SMG1: variants seen among roughly 807,000 people sequenced by gnomAD.
SMG1 encodes serine/threonine-protein kinase SMG1.
Under a neutral mutation model 419.9 loss-of-function variants are expected in SMG1, and 22 were observed. That is an observed-to-expected ratio of 0.05 (90% CI 0.04 to 0.07). SMG1 has a LOEUF of 0.07. Among genes scored for constraint, SMG1 ranks in the 10% least tolerant of loss-of-function variants. SMG1 has a pLI of 1.00. For missense variants in SMG1, 3,185 were observed against 4,342.0 expected (o/e 0.73, Z 7.49); for synonymous variants, 1,538 against 1,553.5 (o/e 0.99, Z 0.23).
chr16:18,810,127 CTTAAT>C (rs2031243317), intron 62 of SMG1, among the ~76,000 whole-genome samples: 1 of 152,054 alleles, frequency 6.6e-6, no homozygotes, highest in Admixed American at 6.6e-5. Context: ...TATTCAGTCT[CTTAAT>C]TTTTATCCCA....
chr16:18,814,278 G>A (rs1167119204), intron 60 of SMG1, among the ~76,000 whole-genome samples: 3 of 151,520 alleles, frequency 2.0e-5, no homozygotes, highest in Non-Finnish European at 4.4e-5. Context: ...CCTCTATTTG[G>A]AATGGAACTA....
chr16:18,900,427 G>T (rs1475150353), intron 1 of SMG1, among the ~76,000 whole-genome samples: 1 of 152,030 alleles, frequency 6.6e-6, no homozygotes, highest in Admixed American at 6.6e-5. Flanking sequence ...CCATGTGCTG[G>T]GGATGGTATC....
rs761236785 is a variant in SMG1, at chr16:18,896,831, T to C, written c.218A>G (p.Asp73Gly). The C allele has an allele frequency of 2.5e-6, 4 of 1,609,756 alleles. No individual in the cohort carries two copies. Among genetic ancestry groups the C allele is most frequent in the Non-Finnish European group, 3.4e-6 (4 of 1,178,444 alleles). The change falls in exon 2 of 63, where the codon GAT becomes GGT. Residue 73 changes from aspartate (D) to glycine (G), a missense_variant. Transcript: ENST00000446231. ...SAVVSRQRHD[D>G]TRVHADIQND... ...CTGTATGTCAGCGTGGACTCTGGTA[T>C]CATCGTGCCTTTGCCGAGACACCAC...
intron 4 of SMG1, 78 bp from the exon 5 acceptor site, chr16:18,890,999 C>T (rs2036852540): frequency 1.3e-6 from 1 of 779,606 alleles, no homozygotes; most frequent in Admixed American, 2.0e-5. Flanking sequence ...TTTTACTTGT[C>T]TTCCCCTCCA....
intron 31 of SMG1, 107 bp downstream of exon 31, chr16:18,853,476 A>G: frequency 9.9e-7 from 1 of 1,010,482 alleles, no homozygotes; most frequent in Non-Finnish European, 1.4e-6. Flanking sequence ...ACTTCCACAG[A>G]TATACTTTTT....
At position 18,839,961 on chromosome 16, in the gene SMG1, A is replaced by G. The variant is rs753417019; in HGVS notation, c.6697-15T>C. The G allele has an allele frequency of 6.6e-6, 10 of 1,516,440 alleles. No individual in the cohort carries two copies. In the Admixed American group the frequency reaches 2.3e-4, roughly 34 times the overall value. The allele number at this position is 1,516,440 out of a possible 1,614,324, so 93.9% of individuals were successfully genotyped here. A position where few individuals can be genotyped will look rare whatever the true frequency, so the allele number is the denominator to read the frequency against. ...GAATCTTGGGCCTTAAGAAAAAACA[A>G]TTTTTTTAAAAAAGAAAAGATCAAT... On this transcript the variant is annotated splice_polypyrimidine_tract_variant and intron_variant, in intron 41 of 62. Transcript: ENST00000446231.
At position 18,863,734 on chromosome 16, in the gene SMG1, T is replaced by C. The variant is rs780399409; in HGVS notation, c.3611A>G (p.Gln1204Arg). Residue 1204 changes from glutamine (Q) to arginine (R), a missense_variant, in exon 25 of 63, where the codon CAG (glutamine) becomes CGG (arginine). By Grantham distance (43) the Gln-to-Arg change is conservative. Around this residue, in one of 27 missense-constraint regions of SMG1, gnomAD observed 120 missense variants for 193.3 expected, o/e 0.62. Transcript: ENST00000446231. Reference sequence around the variant, plus strand: ...GTCATGGATAGCGTTCTGCCATTCCTGCACAGCAGCCCAATCGGCAATTGA... The same window carrying C: ...GTCATGGATAGCGTTCTGCCATTCCCGCACAGCAGCCCAATCGGCAATTGA... Reference protein sequence around the residue: ...YISIADWAAVQEWQNAIHDLK... With the variant: ...YISIADWAAVREWQNAIHDLK... 1 of 1,588,270 alleles carries C rather than the reference T, an allele frequency of 6.3e-7. No homozygotes were observed. Among genetic ancestry groups the C allele is most frequent in the Non-Finnish European group, 8.5e-7 (1 of 1,171,730 alleles).
chr16:18,829,799 G>GT lies in SMG1; in HGVS notation c.9134-45dup, dbSNP rs1166344509. On this transcript the variant is annotated intron_variant, in intron 53 of 62. Coordinates refer to ENST00000446231, the MANE Select transcript of SMG1 (RefSeq NM_015092.5). ...TCTTGTATTTCATGAAAAAAATCAG[G>GT]TAATATGCTGCTTATTTATAGTATT... 12 of 1,527,832 alleles carry GT rather than the reference G, an allele frequency of 7.9e-6. No individual in the cohort carries two copies. The South Asian group carries it at 1.4e-4, about 17-fold the overall frequency. 94.6% of individuals were successfully genotyped at this position (1,527,832 alleles called of 1,614,324 possible).
chr16:18,842,746 C>T (rs2033996200), intron 39 of SMG1, among the ~76,000 whole-genome samples: 1 of 152,110 alleles, frequency 6.6e-6, no homozygotes, highest in Non-Finnish European at 1.5e-5. Context: ...AAGAGGATCA[C>T]CTGAGCCCAG....
intron 1 of SMG1, among the ~76,000 whole-genome samples, chr16:18,923,926 A>T (rs2038292085): frequency 6.6e-6 from 1 of 152,116 alleles, no homozygotes; most frequent in Non-Finnish European, 1.5e-5. Context: ...TTATTGACTA[A>T]CAAATCAGCT....
Position 18,808,417 on chromosome 16 carries a change from TA to T in SMG1, c.*1151del, listed in dbSNP as rs1273239841. On this transcript the variant is annotated 3_prime_UTR_variant, in exon 63 of 63. Coordinates refer to ENST00000446231, the MANE Select transcript of SMG1 (RefSeq NM_015092.5). Reference sequence around the variant, plus strand: ...AAAGTATCAAATGAAAAACATGAATTAAAAAAATTTCAGTCTACCTCCACCA... The same window carrying T: ...AAAGTATCAAATGAAAAACATGAATTAAAAAATTTCAGTCTACCTCCACCA... 1 of 152,148 alleles carries T rather than the reference TA, an allele frequency of 6.6e-6. No homozygotes were observed. Among genetic ancestry groups the T allele is most frequent in the African/African-American group, 2.4e-5 (1 of 41,428 alleles). The allele number at this position is 152,148 out of a possible 1,614,324, so 9.4% of individuals were successfully genotyped here.
chr16:18,837,229 G>A, intron 46 of SMG1, 24 bp downstream of exon 46: 1 of 1,569,076 alleles, frequency 6.4e-7, no homozygotes, highest in Non-Finnish European at 8.7e-7. Flanking sequence ...CACATATTTA[G>A]AAGAATTCAA....
rs3222694 is a variant in SMG1, at chr16:18,832,582, G to GCACACACA, written c.8792+350_8792+357dup. Among the ~76,000 whole-genome samples the GCACACACA allele has an allele frequency of 6.3e-3, 942 of 148,380 alleles. 13 individuals carry two copies. The highest frequency in any genetic ancestry group is 0.022 in the African/African-American group (887 of 40,346). On this transcript the variant is annotated intron_variant, in intron 51 of 62. Coordinates refer to ENST00000446231, the MANE Select transcript of SMG1 (RefSeq NM_015092.5). ...ATGTATGTGACCGAACTATACACTTGCACACACACACACACACACACACAC... is the reference window on the plus strand; with the variant it reads ...ATGTATGTGACCGAACTATACACTTGCACACACACACACACACACACACACACACACAC...
At chr16:18,838,296 C>T in intron 44 of SMG1, 61 bp downstream of exon 44, 1 of 1,607,186 alleles carries the variant, frequency 6.2e-7, no homozygotes. Context: ...GTGTGGTTTT[C>T]ATTCCACAGG....
intron 46 of SMG1, 118 bp downstream of exon 46, chr16:18,837,135 A>T (rs2033628248): frequency 1.0e-6 from 1 of 977,290 alleles, no homozygotes. Flanking sequence ...AGTCACTGAG[A>T]CAGCTTTTAT....
intron 30 of SMG1, 37 bp downstream of exon 30, chr16:18,854,619 T>C (rs2034795662): frequency 6.4e-7 from 1 of 1,558,314 alleles, no homozygotes; most frequent in Non-Finnish European, 8.7e-7. Flanking sequence ...ATGATTTTTA[T>C]TATACTCATG....
At position 18,926,263 on chromosome 16, in the gene SMG1, G is replaced by T; in HGVS notation, c.-222C>A. The T allele has an allele frequency of 1.9e-6, 1 of 533,446 alleles. No homozygotes were observed. The highest frequency in any genetic ancestry group is 2.4e-5 in the South Asian group (1 of 41,554). The allele number at this position is 533,446 out of a possible 1,614,324, so 33.0% of individuals were successfully genotyped here. ...AGCCCGCAGCGCAGGACGAGGAGGCGGGAGCGGCGCGGTGAGAGAGAGGCG... is the reference window on the plus strand; with the variant it reads ...AGCCCGCAGCGCAGGACGAGGAGGCTGGAGCGGCGCGGTGAGAGAGAGGCG... On this transcript the variant is annotated 5_prime_UTR_variant, in exon 1 of 63. Transcript: ENST00000446231.
At chr16:18,909,830 A>C (rs925842679) in intron 1 of SMG1, among the ~76,000 whole-genome samples, 10 of 152,184 alleles carry the variant, frequency 6.6e-5, no homozygotes, top group African/African-American at 2.4e-4. Context: ...CTTTGTATTT[A>C]GCCTTAAGTA....
chr16:18,841,458 C>T (rs2033921936), intron 41 of SMG1, 107 bp downstream of exon 41: 1 of 962,484 alleles, frequency 1.0e-6, no homozygotes, highest in Non-Finnish European at 1.6e-6. Context: ...CAAGTCTTTT[C>T]CTTCTTTAAC....
Sources: gnomAD v4.1 joint callset for allele counts (sites outside exome capture counted in the v4.1 genomes callset) on GRCh38, gnomAD v4.1.1 for gene constraint, gnomAD v4.1.1 regional missense constraint, MANE v1.5 for transcripts, NCBI Gene and HGNC (gene_info 2026-07-23, HGNC 2026-07-21) for gene names.